The following QKI variants were observed in gnomAD, a reference collection of about 807,000 sequenced individuals.
QKI encodes the protein QKI, KH domain containing RNA binding, also known as KH domain-containing RNA-binding protein QKI.
A neutral mutation model predicts 39.0 loss-of-function variants in QKI; 10 were observed. The ratio of observed to expected loss-of-function variants is 0.26; its 90% CI spans 0.16 to 0.43. The LOEUF (loss-of-function observed/expected upper bound fraction) is 0.43. Among genes scored for constraint, QKI ranks in the 20% least tolerant of loss-of-function variants. The pLI is 1.00. For missense variants in QKI, 218 were observed against 428.0 expected (o/e 0.51, Z 4.33); for synonymous variants, 204 against 155.4 (o/e 1.31, Z -2.33).
chr6:163,500,103 G>T (rs936833553), intron 3 of QKI, among the ~76,000 whole-genome samples: 1 of 152,160 alleles, frequency 6.6e-6, no homozygotes, highest in African/African-American at 2.4e-5. Context: ...ACTGTCCAAG[G>T]AATAGCAAAG....
At chr6:163,439,988 G>A (rs1182997160) in intron 1 of QKI, among the ~76,000 whole-genome samples, 1 of 152,050 alleles carries the variant, frequency 6.6e-6, no homozygotes, top group Admixed American at 6.6e-5. Context: ...GAGTAAATAT[G>A]GATGGTGAAA....
intron 3 of QKI, among the ~76,000 whole-genome samples, chr6:163,522,982 G>C (rs540975050): frequency 7.2e-5 from 11 of 152,216 alleles, no homozygotes; most frequent in African/African-American, 2.6e-4. Context: ...AACATTCCCA[G>C]GATGAAACAC....
intron 1 of QKI, among the ~76,000 whole-genome samples, chr6:163,439,568 G>A (rs1035928498): frequency 6.6e-6 from 1 of 150,694 alleles, no homozygotes; most frequent in East Asian, 1.9e-4. Flanking sequence ...TGGCCAGGCT[G>A]TTCTCAAACT....
chr6:163,525,228 A>G (rs1780416138), intron 3 of QKI, among the ~76,000 whole-genome samples: 1 of 151,120 alleles, frequency 6.6e-6, no homozygotes, highest in Admixed American at 6.6e-5. Flanking sequence ...CCTTTGCTTG[A>G]GACAGGCTAT....
chr6:163,518,735 G>C (rs187907501), intron 3 of QKI, among the ~76,000 whole-genome samples: 2 of 152,264 alleles, frequency 1.3e-5, no homozygotes, highest in East Asian at 3.9e-4. Context: ...TGTAGTTTAT[G>C]AACTGCAGAC....
chr6:163,472,130 T>G (rs1792243001), intron 2 of QKI, among the ~76,000 whole-genome samples: 1 of 152,194 alleles, frequency 6.6e-6, no homozygotes, highest in Non-Finnish European at 1.5e-5. Context: ...GATAGCCTAC[T>G]GTCGACTGGA....
intron 3 of QKI, among the ~76,000 whole-genome samples, chr6:163,525,864 T>C (rs567526924): frequency 6.6e-6 from 1 of 152,344 alleles, no homozygotes; most frequent in South Asian, 2.1e-4. Flanking sequence ...AAATGAGAAA[T>C]AGGTGATTAT....
At chr6:163,443,121 A>G (rs573691378) in intron 1 of QKI, among the ~76,000 whole-genome samples, 2 of 152,358 alleles carry the variant, frequency 1.3e-5, no homozygotes, top group Non-Finnish European at 1.5e-5. Flanking sequence ...AATGTTTTCA[A>G]TACCAATTAC....
At chr6:163,551,530 C>T (rs1458887229) in intron 4 of QKI, among the ~76,000 whole-genome samples, 1 of 152,210 alleles carries the variant, frequency 6.6e-6, no homozygotes, top group African/African-American at 2.4e-5. Flanking sequence ...AGATGGGCAG[C>T]AACCAAAATT....
At chr6:163,562,515 A>G (rs1013894791) in intron 5 of QKI, among the ~76,000 whole-genome samples, 2 of 152,148 alleles carry the variant, frequency 1.3e-5, no homozygotes, top group African/African-American at 4.8e-5. Flanking sequence ...TTTTCCCTCT[A>G]GTATTTTTCC....
intron 3 of QKI, among the ~76,000 whole-genome samples, chr6:163,486,176 A>G (rs533954432): frequency 5.9e-5 from 9 of 152,334 alleles, no homozygotes; most frequent in African/African-American, 1.9e-4. Context: ...TAACCCACCC[A>G]GTTGCTCATT....
chr6:163,547,538 A>G (rs553493980), intron 4 of QKI, among the ~76,000 whole-genome samples: 11 of 152,304 alleles, frequency 7.2e-5, no homozygotes, highest in South Asian at 2.1e-4. Context: ...CAGCCATTCA[A>G]CACCTCCATG....
intron 4 of QKI, among the ~76,000 whole-genome samples, chr6:163,547,548 G>A (rs1216692561): frequency 6.6e-6 from 1 of 152,076 alleles, no homozygotes; most frequent in African/African-American, 2.4e-5. Context: ...ACACCTCCAT[G>A]CGGGTGCCAC....
intron 1 of QKI, among the ~76,000 whole-genome samples, chr6:163,448,849 A>G (rs1382934524): frequency 6.6e-6 from 1 of 152,046 alleles, no homozygotes; most frequent in Non-Finnish European, 1.5e-5. Context: ...GTTAAATTCC[A>G]TGGGTGGTTC....
At chr6:163,511,659 T>C (rs1446308325) in intron 3 of QKI, among the ~76,000 whole-genome samples, 1 of 152,020 alleles carries the variant, frequency 6.6e-6, no homozygotes, top group Non-Finnish European at 1.5e-5. Flanking sequence ...TAGAAAATTT[T>C]AGTATCCCTA....
intron 4 of QKI, among the ~76,000 whole-genome samples, chr6:163,558,480 A>C (rs1456520521): frequency 6.7e-6 from 1 of 149,598 alleles, no homozygotes; most frequent in African/African-American, 2.5e-5. Flanking sequence ...ACTCACTGCA[A>C]CCTCCGCCTT....
chr6:163,434,726 A>G (rs1789111645), intron 1 of QKI, among the ~76,000 whole-genome samples: 1 of 152,022 alleles, frequency 6.6e-6, no homozygotes, highest in African/African-American at 2.4e-5. Context: ...AAAAATTAAT[A>G]AATAAGATAA....
At chr6:163,475,945 C>T (rs910003492) in intron 2 of QKI, among the ~76,000 whole-genome samples, 2 of 151,968 alleles carry the variant, frequency 1.3e-5, no homozygotes, top group Non-Finnish European at 2.9e-5. Context: ...GAAGACGAGC[C>T]ACAGGATGGG....
intron 3 of QKI, among the ~76,000 whole-genome samples, chr6:163,482,801 C>T (rs566562597): frequency 7.3e-6 from 1 of 137,148 alleles, no homozygotes; most frequent in Non-Finnish European, 1.6e-5. Flanking sequence ...AAACCCCGTC[C>T]TTCTGTTTTT....
Sources: allele counts gnomAD v4.1 joint callset (sites outside exome capture counted in the v4.1 genomes callset), GRCh38; gene constraint gnomAD v4.1.1; transcripts MANE v1.5; gene names NCBI Gene and HGNC (gene_info 2026-07-23, HGNC 2026-07-21).